The following SLC5A10 variants were observed in gnomAD, a reference collection of about 807,000 sequenced individuals.
SLC5A10 encodes the protein sodium/mannose cotransporter SLC5A10.
Under a neutral mutation model 68.9 loss-of-function variants are expected in SLC5A10, and 55 were observed. The ratio of observed to expected loss-of-function variants is 0.80; its 90% CI spans 0.64 to 1.00. The LOEUF (loss-of-function observed/expected upper bound fraction) is 1.00. Ranked by LOEUF, SLC5A10 falls within the 50% of genes least tolerant of loss-of-function variation. SLC5A10 has a pLI of 0.00. For synonymous variants in SLC5A10, 344 were observed against 344.8 expected (o/e 1.00, Z 0.02); for missense variants, 732 against 819.3 (o/e 0.89, Z 1.30).
chr17:19,020,674 T>G lies in SLC5A10; in HGVS notation c.*243T>G. On this transcript the variant is annotated 3_prime_UTR_variant, in exon 15 of 15. Coordinates refer to ENST00000395645, the MANE Select transcript of SLC5A10 (RefSeq NM_001042450.4). Reference sequence around the variant, plus strand: ...GTCAGCATTGGAAGGAAAATTAGATTTCTGACGGACATCCTGATGTTGGTT... The same window carrying G: ...GTCAGCATTGGAAGGAAAATTAGATGTCTGACGGACATCCTGATGTTGGTT... 2 of 553,186 alleles carry G rather than the reference T, an allele frequency of 3.6e-6. No individual in the cohort carries two copies. Among genetic ancestry groups the G allele is most frequent in the Non-Finnish European group, 6.5e-6 (2 of 307,840 alleles). The allele number at this position is 553,186 out of a possible 1,614,324, so 34.3% of individuals were successfully genotyped here.
In SLC5A10 at chr17:18,971,810, G is replaced by C. The variant is rs1179369486; in HGVS notation, c.846+592G>C. ...AAGGGCCAACCCCGCCCCAGCACAG[G>C]ACCCTGCTCAGGCACACAGGAGCCG... On this transcript the variant is annotated intron_variant, in intron 8 of 14. Transcript: ENST00000395645. The surrounding 1 kb of genome is among the most constrained non-coding windows in gnomAD (Gnocchi z 5.5). 1 of 1,504,060 alleles carries C rather than the reference G, an allele frequency of 6.6e-7. No homozygotes were observed. Among genetic ancestry groups the C allele is most frequent in the Non-Finnish European group, 8.9e-7 (1 of 1,125,954 alleles). The allele number at this position is 1,504,060 out of a possible 1,614,324, so 93.2% of individuals were successfully genotyped here.
At chr17:19,008,865 T>G (rs1370331856) in intron 9 of SLC5A10, among the ~76,000 whole-genome samples, 1 of 149,910 alleles carries the variant, frequency 6.7e-6, no homozygotes, top group Non-Finnish European at 1.5e-5. Flanking sequence ...CAGGCTGGAG[T>G]GCAATGGCCT....
At chr17:18,986,703 C>T (rs1344900322) in intron 9 of SLC5A10, among the ~76,000 whole-genome samples, 1 of 152,250 alleles carries the variant, frequency 6.6e-6, no homozygotes, top group Non-Finnish European at 1.5e-5. Context: ...GTTAGGGTCC[C>T]TGCTCCAAAC....
chr17:19,011,628 T>G (rs1597907899), intron 9 of SLC5A10, among the ~76,000 whole-genome samples: 3 of 147,552 alleles, frequency 2.0e-5, no homozygotes, highest in Non-Finnish European at 3.0e-5. Context: ...TTGGGCAGGG[T>G]GGGCCCCAGA....
At chr17:18,992,863 A>C (rs1223079730) in intron 9 of SLC5A10, among the ~76,000 whole-genome samples, 2 of 152,118 alleles carry the variant, frequency 1.3e-5, no homozygotes, top group Non-Finnish European at 2.9e-5. Context: ...TGGGAGAGGA[A>C]GTGCTGGTGG....
At chr17:18,950,685 T>C, upstream of SLC5A10, 3 of 985,436 alleles carry the variant, frequency 3.0e-6, no homozygotes, top group Non-Finnish European at 3.6e-6. Context: ...CCTAGTCCTG[T>C]ATGTGAGGAC....
At chr17:18,960,455 CG>C (rs2151993673) in intron 4 of SLC5A10, 92 bp from the exon 5 acceptor site, 14 of 1,052,434 alleles carry the variant, frequency 1.3e-5, no homozygotes, top group East Asian at 2.6e-5. Flanking sequence ...TGCTTTGTGG[CG>C]GGGGGAGAGG....
At chr17:18,984,203 G>A (rs937200618) in intron 9 of SLC5A10, among the ~76,000 whole-genome samples, 5 of 152,142 alleles carry the variant, frequency 3.3e-5, no homozygotes, top group Admixed American at 1.3e-4. Flanking sequence ...TTAGCCGGGC[G>A]TGGTGGCGGG....
At chr17:18,952,487 C>T in intron 1 of SLC5A10, 171 bp downstream of exon 1, 1 of 739,404 alleles carries the variant, frequency 1.4e-6, no homozygotes, top group Non-Finnish European at 2.1e-6. Context: ...AGACCTTGAC[C>T]AAGCCCGTTT....
At position 19,021,859 on chromosome 17, in the gene SLC5A10, T is replaced by G; in HGVS notation, c.*1428T>G. Reference sequence around the variant, plus strand: ...CCACGTTCAGTCCAAGGCCGTCCACTGAGCCCCGTGTGACTCTGACAGAGC... The same window carrying G: ...CCACGTTCAGTCCAAGGCCGTCCACGGAGCCCCGTGTGACTCTGACAGAGC... On this transcript the variant is annotated 3_prime_UTR_variant, in exon 15 of 15. Coordinates refer to ENST00000395645, the MANE Select transcript of SLC5A10 (RefSeq NM_001042450.4). The surrounding 1 kb of genome is among the most constrained non-coding windows in gnomAD (Gnocchi z 4.1). The G allele has an allele frequency of 3.9e-6, 5 of 1,277,210 alleles. No homozygotes were observed. Among genetic ancestry groups the G allele is most frequent in the South Asian group, 1.7e-5 (1 of 57,488 alleles). 79.1% of individuals were successfully genotyped at this position (1,277,210 alleles called of 1,614,324 possible). A position where few individuals can be genotyped will look rare whatever the true frequency, so the allele number is the denominator to read the frequency against.
At chr17:19,019,214 G>A in intron 11 of SLC5A10, 1 of 598,402 alleles carries the variant, frequency 1.7e-6, no homozygotes, top group Non-Finnish European at 2.9e-6. Context: ...GTCAGGAGCT[G>A]CACCTGCAGG....
intron 9 of SLC5A10, among the ~76,000 whole-genome samples, chr17:18,984,300 T>G (rs1210610129): frequency 1.5e-5 from 2 of 132,078 alleles, no homozygotes; most frequent in Non-Finnish European, 3.0e-5. Flanking sequence ...GCCACTGCAG[T>G]CCAGCCTGGG....
chr17:18,959,728 G>A, intron 4 of SLC5A10, 65 bp downstream of exon 4: 8 of 1,470,848 alleles, frequency 5.4e-6, no homozygotes, highest in Non-Finnish European at 7.6e-6. Context: ...TGGTAGTAAT[G>A]GGCAGGACCA....
intron 1 of SLC5A10, among the ~76,000 whole-genome samples, chr17:18,956,613 A>G (rs917171933): frequency 6.6e-6 from 1 of 151,782 alleles, no homozygotes; most frequent in Non-Finnish European, 1.5e-5. Context: ...AGTAGCTGGG[A>G]TTACAAGCAT....
chr17:18,997,447 A>C (rs2043596415), intron 9 of SLC5A10, among the ~76,000 whole-genome samples: 1 of 152,274 alleles, frequency 6.6e-6, no homozygotes. Context: ...GGATCCAGCC[A>C]ACCAGACCAT....
intron 9 of SLC5A10, among the ~76,000 whole-genome samples, chr17:19,008,498 C>G (rs1468149400): frequency 2.1e-5 from 3 of 144,932 alleles, no homozygotes; most frequent in Admixed American, 6.7e-5. Flanking sequence ...GACAGCCTCA[C>G]AGATTTTTTT....
At chr17:18,994,037 A>G (rs939905219) in intron 9 of SLC5A10, among the ~76,000 whole-genome samples, 9 of 151,852 alleles carry the variant, frequency 5.9e-5, no homozygotes, top group African/African-American at 1.9e-4. Flanking sequence ...GCGTCTCACT[A>G]CCCTCCGGGC....
In SLC5A10 at chr17:18,971,758, A is replaced by G; in HGVS notation, c.846+540A>G. 6.5e-7 allele frequency: 1 copy of G among 1,548,262 alleles called. No homozygotes were observed. Among genetic ancestry groups the G allele is most frequent in the Non-Finnish European group, 8.7e-7 (1 of 1,145,698 alleles). ...GATGAAACTGCTGGCCCTGGGAGAG[A>G]GAGAGCAGAGAGTGAGGCTGAGCAA... On this transcript the variant is annotated intron_variant, in intron 8 of 14. Coordinates refer to ENST00000395645, the MANE Select transcript of SLC5A10 (RefSeq NM_001042450.4). The surrounding 1 kb of genome is among the most constrained non-coding windows in gnomAD (Gnocchi z 5.5).
intron 5 of SLC5A10, among the ~76,000 whole-genome samples, chr17:18,966,620 C>T (rs924856531): frequency 5.3e-5 from 8 of 152,042 alleles, no homozygotes; most frequent in Non-Finnish European, 1.5e-5. Flanking sequence ...CTTGATGGCA[C>T]ACACCTGTAA....
Sources: allele counts gnomAD v4.1 joint callset (sites outside exome capture counted in the v4.1 genomes callset), GRCh38; gene constraint gnomAD v4.1.1; non-coding constraint Gnocchi (gnomAD v3.1); transcripts MANE v1.5; gene names NCBI Gene and HGNC (gene_info 2026-07-23, HGNC 2026-07-21).